SYNGR1: variants seen among roughly 807,000 people sequenced by gnomAD.
SYNGR1 encodes synaptogyrin 1.
A neutral mutation model predicts 26.1 loss-of-function variants in SYNGR1; 14 were observed. The observed-to-expected ratio is 0.54, with a 90% confidence interval of 0.35 to 0.84. SYNGR1 has a LOEUF of 0.84. Ranked by LOEUF, SYNGR1 falls within the 40% of genes least tolerant of loss-of-function variation. The pLI is 0.01. For missense variants in SYNGR1, 319 were observed against 332.9 expected (o/e 0.96, Z 0.33); for synonymous variants, 141 against 150.1 (o/e 0.94, Z 0.44).
intron 1 of SYNGR1, among the ~76,000 whole-genome samples, chr22:39,367,823 A>C (rs1475636551): frequency 8.0e-6 from 1 of 125,028 alleles, no homozygotes; most frequent in Non-Finnish European, 1.6e-5. Context: ...ACCCTGTCTC[A>C]AAAAAAAAAA....
chr22:39,377,161 CCT>C, intron 3 of SYNGR1: 3 of 1,470,842 alleles, frequency 2.0e-6, no homozygotes, highest in Non-Finnish European at 2.7e-6. Context: ...GCCAGCCGTC[CCT>C]GTTTCCCCCA....
At chr22:39,377,375 C>T in intron 3 of SYNGR1, 1 of 985,416 alleles carries the variant, frequency 1.0e-6, no homozygotes, top group Non-Finnish European at 1.2e-6. Flanking sequence ...ACCAGGTGAC[C>T]CCAGGGGATC....
chr22:39,360,931 G>C (rs1924442444), intron 1 of SYNGR1, among the ~76,000 whole-genome samples: 1 of 152,218 alleles, frequency 6.6e-6, no homozygotes, highest in African/African-American at 2.4e-5. Flanking sequence ...CATAGCCCCA[G>C]GACTAGATTG....
intron 1 of SYNGR1, among the ~76,000 whole-genome samples, chr22:39,371,252 A>G (rs1032806405): frequency 1.3e-5 from 2 of 150,078 alleles, no homozygotes; most frequent in Non-Finnish European, 3.0e-5. Flanking sequence ...CGAGGTGGGC[A>G]GATCACCTGA....
intron 1 of SYNGR1, chr22:39,364,183 C>T: frequency 6.2e-7 from 1 of 1,612,812 alleles, no homozygotes; most frequent in Non-Finnish European, 8.5e-7. Flanking sequence ...GCAGGCATGC[C>T]TCCTTGGTCT....
At chr22:39,366,229 T>C (rs1462835334) in intron 1 of SYNGR1, among the ~76,000 whole-genome samples, 3 of 151,274 alleles carry the variant, frequency 2.0e-5, no homozygotes, top group Non-Finnish European at 4.4e-5. Flanking sequence ...CCTCAAGTGA[T>C]CCACCTACCT....
At position 39,350,047 on chromosome 22, in the gene SYNGR1, G is replaced by A; in HGVS notation, c.37G>A (p.Gly13Ser). Reference protein sequence around the residue: ...GGAYGAGKAGGAFDPYTLVRQ... With the variant: ...GGAYGAGKAGSAFDPYTLVRQ... ...TGCGTACGGAGCGGGCAAAGCCGGG[G>A]GCGCCTTCGACCCCTACACCCTGGT... The change falls in exon 1 of 4, where the codon GGC becomes AGC. Residue 13 changes from glycine (G) to serine (S), a missense_variant. Transcript: ENST00000328933. The surrounding 1 kb of genome is among the most constrained non-coding windows in gnomAD (Gnocchi z 4.3). The A allele has an allele frequency of 7.0e-7, 1 of 1,426,266 alleles. No homozygotes were observed. The highest frequency in any genetic ancestry group is 1.4e-5 in the South Asian group (1 of 73,920). 88.4% of individuals were successfully genotyped at this position (1,426,266 alleles called of 1,614,324 possible).
rs113700703 is a variant in SYNGR1 at position 39,371,978 on chromosome 22, G to T, written c.100-2338G>T. ...CCCTACAACATAAGGCTTATAACAA[G>T]AAATATTTGTTATCTGACAGTTTCT... On this transcript the variant is annotated intron_variant, in intron 1 of 3. Transcript: ENST00000328933. 2.2e-3 allele frequency among the ~76,000 whole-genome samples: 332 copies of T among 152,236 alleles called. 3 individuals are homozygous for T. The highest frequency in any genetic ancestry group is 6.9e-3 in the African/African-American group (288 of 41,556).
intron 1 of SYNGR1, 52 bp from the exon 2 acceptor site, chr22:39,374,264 G>T: frequency 1.3e-6 from 2 of 1,558,628 alleles, no homozygotes. Flanking sequence ...TCCCCTGGGT[G>T]GTGTGAGGCA....
At chr22:39,380,994 T>G (rs1785167898) in intron 3 of SYNGR1, among the ~76,000 whole-genome samples, 1 of 152,088 alleles carries the variant, frequency 6.6e-6, no homozygotes, top group South Asian at 2.1e-4. Context: ...CTCAACATAG[T>G]CAATATGCCA....
At chr22:39,351,486 T>C (rs1372512158) in intron 1 of SYNGR1, among the ~76,000 whole-genome samples, 1 of 152,270 alleles carries the variant, frequency 6.6e-6, no homozygotes, top group African/African-American at 2.4e-5. Context: ...TTTGTGGCTC[T>C]GAATTCATTT....
chr22:39,376,920 G>A, intron 3 of SYNGR1: 1 of 1,537,928 alleles, frequency 6.5e-7, no homozygotes, highest in Non-Finnish European at 8.8e-7. Flanking sequence ...TATGTCTCTG[G>A]GCCCAGCAGG....
Position 39,358,942 on chromosome 22 carries a change from G to GT in SYNGR1, c.99+8833_99+8834insT, listed in dbSNP as rs1217365737. On this transcript the variant is annotated intron_variant, in intron 1 of 3. Transcript: ENST00000328933. The stretch of plus-strand genomic sequence containing the variant: ...TGAAGGGGACCTGGAGAGAGGGGCG[G>GT]CTGCGTAGCTGGGACAGCCCCAAGC... Among the ~76,000 whole-genome samples the GT allele has an allele frequency of 4.6e-5, 7 of 152,236 alleles. No individual in the cohort carries two copies. The East Asian group carries it at 1.3e-3, about 29-fold the overall frequency.
Position 39,368,520 on chromosome 22 carries a change from C to T in SYNGR1, c.100-5796C>T, listed in dbSNP as rs545698691. 2.7e-4 allele frequency among the ~76,000 whole-genome samples: 41 copies of T among 152,356 alleles called. No homozygotes were observed. In the South Asian group the frequency reaches 6.2e-3, roughly 23 times the overall value. ...GAGGCGGGTGTCTGCTGGGGCCATA[C>T]GGCCCCGCCCAGTCCCTCCGAAGCT... On this transcript the variant is annotated intron_variant, in intron 1 of 3. Coordinates refer to ENST00000328933, the MANE Select transcript of SYNGR1 (RefSeq NM_004711.5).
chr22:39,357,692 AGCAGCCGGCCAGCCCTGCTGGCCCCG>A (rs1924222146), intron 1 of SYNGR1, among the ~76,000 whole-genome samples: 1 of 33,480 alleles, frequency 3.0e-5, no homozygotes, highest in East Asian at 0.025. Context: ...CCGCCCTCGG[AGCAGCCGGCCAGCCCTGCTGGCCCCG>A]GGCAATGAGG....
rs1419247044 is a variant in SYNGR1, at chr22:39,366,078, A to G, written c.100-8238A>G. 2.1e-5 allele frequency among the ~76,000 whole-genome samples: 3 copies of G among 143,834 alleles called. No homozygotes were observed. The Admixed American group carries it at 2.2e-4, about 10-fold the overall frequency. The allele number at this position is 143,834 out of a possible 152,430, so 94.4% of individuals were successfully genotyped here. A position where few individuals can be genotyped will look rare whatever the true frequency, so the allele number is the denominator to read the frequency against. ...AGTGGTGCAATCAGAGCTCACTGCAACCTTCACCTCCTGGGCTCAAGCAAT... is the reference window on the plus strand; with the variant it reads ...AGTGGTGCAATCAGAGCTCACTGCAGCCTTCACCTCCTGGGCTCAAGCAAT... On this transcript the variant is annotated intron_variant, in intron 1 of 3. Coordinates refer to ENST00000328933, the MANE Select transcript of SYNGR1 (RefSeq NM_004711.5).
chr22:39,378,171 C>A, intron 3 of SYNGR1: 1 of 1,104,044 alleles, frequency 9.1e-7, no homozygotes, highest in Non-Finnish European at 1.1e-6. Flanking sequence ...GCATCCTGGC[C>A]GAGGATGTCA....
chr22:39,376,260 G>C, intron 3 of SYNGR1, 63 bp downstream of exon 3: 1 of 1,612,500 alleles, frequency 6.2e-7, no homozygotes, highest in Non-Finnish European at 8.5e-7. Context: ...CCCCTGGATG[G>C]GTGGCCTTTC....
chr22:39,373,471 GT>G (rs1925126092), intron 1 of SYNGR1, among the ~76,000 whole-genome samples: 1 of 149,164 alleles, frequency 6.7e-6, no homozygotes, highest in African/African-American at 2.5e-5. Context: ...TGGCCCGAGA[GT>G]TTTTTGTTTT....
Sources: gnomAD v4.1 joint callset for allele counts (sites outside exome capture counted in the v4.1 genomes callset) on GRCh38, gnomAD v4.1.1 for gene constraint, Gnocchi (gnomAD v3.1) non-coding constraint, MANE v1.5 for transcripts, NCBI Gene and HGNC (gene_info 2026-07-23, HGNC 2026-07-21) for gene names.